The following LRRTM4 variants were observed in gnomAD, a reference collection of about 807,000 sequenced individuals.
The protein encoded by LRRTM4 is leucine rich repeat transmembrane neuronal 4.
Under a neutral mutation model 47.6 loss-of-function variants are expected in LRRTM4, and 25 were observed. The ratio of observed to expected loss-of-function variants is 0.53; its 90% CI spans 0.38 to 0.73. The LOEUF (loss-of-function observed/expected upper bound fraction) is 0.73, where lower values mean the gene tolerates loss of function less well. Ranked by LOEUF, LRRTM4 falls within the 30% of genes least tolerant of loss-of-function variation. The probability of loss-of-function intolerance (pLI) is 0.00; values close to 1 mark genes in which losing one functional copy is unlikely to be tolerated. For synonymous variants in LRRTM4, 311 were observed against 269.5 expected (o/e 1.15, Z -1.51); for missense variants, 638 against 713.4 (o/e 0.89, Z 1.20).
intron 3 of LRRTM4, among the ~76,000 whole-genome samples, chr2:76,914,724 A>G (rs1674186745): frequency 6.6e-6 from 1 of 152,132 alleles, no homozygotes; most frequent in African/African-American, 2.4e-5. Flanking sequence ...GTATAATTCT[A>G]TTTCTCAAAT....
chr2:77,076,019 A>G (rs1680327234), intron 3 of LRRTM4, among the ~76,000 whole-genome samples: 1 of 151,034 alleles, frequency 6.6e-6, no homozygotes, highest in South Asian at 2.1e-4. Flanking sequence ...TCCAAAAACT[A>G]TTTCCATTTA....
At chr2:76,968,404 A>G (rs1406138052) in intron 3 of LRRTM4, among the ~76,000 whole-genome samples, 1 of 144,486 alleles carries the variant, frequency 6.9e-6, no homozygotes, top group African/African-American at 2.5e-5. Context: ...ACATACATAT[A>G]TATGTAGTAA....
At chr2:77,307,044 C>A (rs192462501) in intron 3 of LRRTM4, among the ~76,000 whole-genome samples, 5,243 of 151,224 alleles carry the variant, frequency 0.035, 314 homozygotes, top group African/African-American at 0.12. Flanking sequence ...GGACTACAGG[C>A]GCCCACCACC....
In LRRTM4 at chr2:76,969,279, A is replaced by G. The variant is rs534193683; in HGVS notation, c.1552-220363T>C. 4.6e-5 allele frequency among the ~76,000 whole-genome samples: 7 copies of G among 152,030 alleles called. No individual in the cohort carries two copies. In the South Asian group the frequency reaches 6.2e-4, roughly 13 times the overall value. On this transcript the variant is annotated intron_variant, in intron 3 of 3. Coordinates refer to ENST00000409884, the MANE Select transcript of LRRTM4 (RefSeq NM_001134745.3). ...GAAATTAAACTTTATTCTATCTTGTATAAGTTCTAGTAACTTTTTTATCTA... is the reference window on the plus strand; with the variant it reads ...GAAATTAAACTTTATTCTATCTTGTGTAAGTTCTAGTAACTTTTTTATCTA...
intron 3 of LRRTM4, among the ~76,000 whole-genome samples, chr2:77,044,541 GGTGT>G (rs369108787): frequency 2.0e-4 from 31 of 151,472 alleles, no homozygotes; most frequent in Middle Eastern, 3.4e-3. Flanking sequence ...ATTAGTCAAG[GGTGT>G]GTGTGTCTGT....
intron 3 of LRRTM4, among the ~76,000 whole-genome samples, chr2:77,338,160 C>G (rs1027916341): frequency 6.6e-6 from 1 of 152,024 alleles, no homozygotes; most frequent in Non-Finnish European, 1.5e-5. Context: ...CTAGGCAACA[C>G]CATTCTGGCC....
intron 3 of LRRTM4, among the ~76,000 whole-genome samples, chr2:77,001,774 A>G (rs17013567): frequency 0.18 from 26,942 of 152,124 alleles, 2,488 homozygotes; most frequent in Admixed American, 0.26. Flanking sequence ...ATGCCCTTGT[A>G]TATAATCTCA....
chr2:77,171,927 A>T (rs1673059184), intron 3 of LRRTM4, among the ~76,000 whole-genome samples: 2 of 152,148 alleles, frequency 1.3e-5, no homozygotes, highest in Admixed American at 1.3e-4. Flanking sequence ...AGGGTTGTAC[A>T]ATTCAGAGGA....
intron 3 of LRRTM4, among the ~76,000 whole-genome samples, chr2:77,101,503 T>C (rs149755478): frequency 6.6e-6 from 1 of 152,324 alleles, no homozygotes; most frequent in East Asian, 1.9e-4. Context: ...TATATCCAAA[T>C]ATGGCATTTC....
intron 3 of LRRTM4, among the ~76,000 whole-genome samples, chr2:77,125,529 T>C (rs1027149072): frequency 3.3e-5 from 5 of 152,158 alleles, no homozygotes; most frequent in Non-Finnish European, 7.4e-5. Context: ...ATAATTACAC[T>C]AAGGCAATAA....
intron 3 of LRRTM4, among the ~76,000 whole-genome samples, chr2:77,342,667 C>T (rs912348281): frequency 2.6e-5 from 4 of 151,818 alleles, no homozygotes; most frequent in South Asian, 2.1e-4. Context: ...AAAATATCTT[C>T]CAGAGAACAG....
At chr2:76,908,319 A>G (rs1388448779) in intron 3 of LRRTM4, among the ~76,000 whole-genome samples, 1 of 152,166 alleles carries the variant, frequency 6.6e-6, no homozygotes, top group African/African-American at 2.4e-5. Flanking sequence ...CTCTCAATAA[A>G]TTAGGTATTG....
At chr2:76,809,866 C>A (rs1279475084) in intron 3 of LRRTM4, among the ~76,000 whole-genome samples, 1 of 152,072 alleles carries the variant, frequency 6.6e-6, no homozygotes, top group Non-Finnish European at 1.5e-5. Flanking sequence ...TCTGTTTTTT[C>A]TGGATGTTAG....
chr2:77,009,710 A>AC (rs1433486076), intron 3 of LRRTM4: 6 of 152,034 alleles, frequency 3.9e-5, no homozygotes, highest in Admixed American at 3.9e-4. Context: ...AGTCACCTTC[A>AC]CCTCCATAAT....
At chr2:76,993,558 A>G (rs1011104544) in intron 3 of LRRTM4, among the ~76,000 whole-genome samples, 4 of 151,984 alleles carry the variant, frequency 2.6e-5, no homozygotes, top group African/African-American at 9.7e-5. Context: ...ACAGTGACAT[A>G]TTATCTCACA....
intron 3 of LRRTM4, among the ~76,000 whole-genome samples, chr2:76,869,499 C>T (rs547019239): frequency 6.6e-6 from 1 of 152,062 alleles, no homozygotes; most frequent in South Asian, 2.1e-4. Flanking sequence ...CATTGTTTGG[C>T]TTATTCTGAG....
chr2:76,916,320 G>A (rs1033101987), intron 3 of LRRTM4, among the ~76,000 whole-genome samples: 2 of 144,312 alleles, frequency 1.4e-5, no homozygotes, highest in Non-Finnish European at 3.0e-5. Context: ...GGTAGGTGGA[G>A]CTTGCAGTCA....
chr2:76,992,946 T>G (rs1346076899), intron 3 of LRRTM4, among the ~76,000 whole-genome samples: 1 of 151,322 alleles, frequency 6.6e-6, no homozygotes, highest in African/African-American at 2.4e-5. Context: ...ATGAAGCACA[T>G]TAGAAAACCC....
At chr2:77,416,801 G>T (rs1674651155) in intron 3 of LRRTM4, among the ~76,000 whole-genome samples, 1 of 152,026 alleles carries the variant, frequency 6.6e-6, no homozygotes, top group African/African-American at 2.4e-5. Context: ...CTGCATAAAT[G>T]GGTCCTTAAA....
Sources: allele counts gnomAD v4.1 joint callset (sites outside exome capture counted in the v4.1 genomes callset), GRCh38; gene constraint gnomAD v4.1.1; transcripts MANE v1.5; gene names NCBI Gene and HGNC (gene_info 2026-07-23, HGNC 2026-07-21).